The following SOCS2 variants were observed in gnomAD, a reference collection of about 807,000 sequenced individuals.
The protein encoded by SOCS2 is suppressor of cytokine signaling 2.
A neutral mutation model predicts 18.6 loss-of-function variants in SOCS2; 10 were observed. The ratio of observed to expected loss-of-function variants is 0.54; its 90% CI spans 0.33 to 0.91. The LOEUF is 0.91. SOCS2 is among the 40% of genes least tolerant of loss of function. The pLI is 0.02. For synonymous variants in SOCS2, 104 were observed against 104.0 expected (o/e 1.00, Z 0.00); for missense variants, 231 against 247.2 (o/e 0.93, Z 0.44).
the SOCS2 span, among the ~76,000 whole-genome samples, chr12:93,620,543 T>C: frequency 6.6e-6 from 1 of 152,120 alleles, no homozygotes; most frequent in Non-Finnish European, 1.5e-5. Flanking sequence ...AGCCCCCCAG[T>C]AGCTGGGATT....
chr12:93,575,552 C>G lies in SOCS2; in HGVS notation c.*373C>G, dbSNP rs982946723. ...AGAGAAAGAACTCCTCATAGGAATA[C>G]TGAAGAAGTGGGAAGGAACCAAGCT... On this transcript the variant is annotated 3_prime_UTR_variant, in exon 2 of 2. Coordinates refer to ENST00000551556, the MANE Select transcript of SOCS2 (RefSeq NM_001270471.2). 1.3e-5 allele frequency: 2 copies of G among 157,450 alleles called. No homozygotes were observed. Among genetic ancestry groups the G allele is most frequent in the African/African-American group, 4.8e-5 (2 of 41,486 alleles). The allele number at this position is 157,450 out of a possible 1,614,324, so 9.8% of individuals were successfully genotyped here. A position where few individuals can be genotyped will look rare whatever the true frequency, so the allele number is the denominator to read the frequency against.
chr12:93,601,781 T>A, the SOCS2 span, among the ~76,000 whole-genome samples: 2 of 152,224 alleles, frequency 1.3e-5, no homozygotes, highest in African/African-American at 4.8e-5. Flanking sequence ...GCATGACCAC[T>A]CATTCTTGGT....
chr12:93,580,446 C>T (rs1356428925), downstream of SOCS2, among the ~76,000 whole-genome samples: 1 of 151,826 alleles, frequency 6.6e-6, no homozygotes, highest in Non-Finnish European at 1.5e-5. Context: ...CATGGCGAAA[C>T]CACATCTCTA....
intron 1 of SOCS2, 189 bp downstream of exon 1, chr12:93,573,225 G>T: frequency 1.4e-6 from 1 of 710,684 alleles, no homozygotes; most frequent in Non-Finnish European, 2.3e-6. Context: ...GTTCTCCAGG[G>T]ACTCAGGCCT....
chr12:93,608,170 G>GT, the SOCS2 span, among the ~76,000 whole-genome samples: 9,452 of 145,436 alleles, frequency 0.065, 517 homozygotes, highest in African/African-American at 0.15. Context: ...TTGTTTTTTG[G>GT]TTTTTTTTTT....
the SOCS2 span, among the ~76,000 whole-genome samples, chr12:93,620,400 T>G: frequency 6.6e-6 from 1 of 151,840 alleles, no homozygotes; most frequent in East Asian, 2.0e-4. Context: ...AGTTTGGAGC[T>G]ACATTTCTTT....
At chr12:93,598,646 T>C in the SOCS2 span, among the ~76,000 whole-genome samples, 1 of 152,234 alleles carries the variant, frequency 6.6e-6, no homozygotes, top group Admixed American at 6.5e-5. Flanking sequence ...ATGTTGATAC[T>C]TTTAGATAAA....
At chr12:93,614,770 A>G in the SOCS2 span, among the ~76,000 whole-genome samples, 1 of 150,710 alleles carries the variant, frequency 6.6e-6, no homozygotes, top group Admixed American at 6.6e-5. Flanking sequence ...GCCTGCCACC[A>G]TGCCTGGCAA....
At chr12:93,614,574 TCTTTCTTTCTTTC>T in the SOCS2 span, among the ~76,000 whole-genome samples, 1 of 82,226 alleles carries the variant, frequency 1.2e-5, no homozygotes, top group Non-Finnish European at 2.3e-5. Context: ...TTTCTTTCTT[TCTTTCTTTCTTTC>T]TTTCTTTCTT....
At chr12:93,599,169 G>C in the SOCS2 span, among the ~76,000 whole-genome samples, 33 of 112,964 alleles carry the variant, frequency 2.9e-4, no homozygotes, top group African/African-American at 1.2e-3. Context: ...TGTGCTGTTT[G>C]TCTTTTTTTT....
At chr12:93,595,675 A>G in the SOCS2 span, among the ~76,000 whole-genome samples, 1 of 152,164 alleles carries the variant, frequency 6.6e-6, no homozygotes, top group African/African-American at 2.4e-5. Context: ...ACCACCATCT[A>G]TAGTCTTCCT....
upstream of SOCS2, chr12:93,572,045 A>G (rs1394778491): frequency 1.5e-5 from 3 of 205,438 alleles, no homozygotes; most frequent in African/African-American, 7.2e-5. This position sits in a 1 kb window ranked among gnomAD's most constrained non-coding sequence, Gnocchi z 5.0. Context: ...CGCGGCGGCG[A>G]GAACCACCGC....
chr12:93,616,793 C>A, the SOCS2 span, among the ~76,000 whole-genome samples: 1 of 152,184 alleles, frequency 6.6e-6, no homozygotes, highest in Non-Finnish European at 1.5e-5. Context: ...CCTGTTTTAA[C>A]CCTGGCAGTC....
the SOCS2 span, among the ~76,000 whole-genome samples, chr12:93,609,530 A>C: frequency 6.6e-6 from 1 of 151,728 alleles, no homozygotes; most frequent in African/African-American, 2.4e-5. Flanking sequence ...CCTTAATAAT[A>C]ATTATTTATC....
At chr12:93,614,416 TCTTC>T in the SOCS2 span, among the ~76,000 whole-genome samples, 241 of 112,138 alleles carry the variant, frequency 2.1e-3, 5 homozygotes, top group African/African-American at 3.7e-3. Flanking sequence ...TTTCTTTCTT[TCTTC>T]CTTTCTTTCC....
At chr12:93,594,450 CT>C in the SOCS2 span, among the ~76,000 whole-genome samples, 1 of 152,030 alleles carries the variant, frequency 6.6e-6, no homozygotes, top group Non-Finnish European at 1.5e-5. Context: ...TTTCTATTGC[CT>C]AACTCTTTTA....
chr12:93,622,962 A>T, the SOCS2 span, among the ~76,000 whole-genome samples: 2 of 152,206 alleles, frequency 1.3e-5, no homozygotes, highest in Non-Finnish European at 2.9e-5. Flanking sequence ...TTAAAAAAGG[A>T]ATCCATTTTA....
the SOCS2 span, among the ~76,000 whole-genome samples, chr12:93,609,438 TA>T: frequency 6.6e-6 from 1 of 151,962 alleles, no homozygotes; most frequent in African/African-American, 2.4e-5. Context: ...AAAATTTACT[TA>T]TTTAGATAAA....
chr12:93,577,626 C>G (rs1954485030), downstream of SOCS2, among the ~76,000 whole-genome samples: 1 of 151,860 alleles, frequency 6.6e-6, no homozygotes, highest in Non-Finnish European at 1.5e-5. Context: ...AAAAAGAACC[C>G]TTGGTGTTTT....
Sources: gnomAD v4.1 joint callset for allele counts (sites outside exome capture counted in the v4.1 genomes callset) on GRCh38, gnomAD v4.1.1 for gene constraint, Gnocchi (gnomAD v3.1) non-coding constraint, MANE v1.5 for transcripts, NCBI Gene and HGNC (gene_info 2026-07-23, HGNC 2026-07-21) for gene names.